PQBP1: variants seen among roughly 807,000 people sequenced by gnomAD.
PQBP1 encodes polyglutamine binding protein 1, also known as polyglutamine-binding protein 1.
PQBP1 carries 3 observed loss-of-function variants against 20.9 expected under a neutral mutation model. The ratio of observed to expected loss-of-function variants is 0.14; its 90% CI spans 0.07 to 0.37. PQBP1 has a LOEUF of 0.37. PQBP1 is among the 10% of genes least tolerant of loss of function. The pLI is 1.00. For synonymous variants in PQBP1, 83 were observed against 93.8 expected (o/e 0.88, Z 0.67); for missense variants, 162 against 240.3 (o/e 0.67, Z 2.16).
In PQBP1 at chrX:48,902,256, AGCCATGACAAGTCGGACAGGG is replaced by A. The variant is rs606231198; in HGVS notation, c.334_354del (p.Gly113_Arg119del). 948 of 1,208,929 alleles carry A rather than the reference AGCCATGACAAGTCGGACAGGG, an allele frequency of 7.8e-4. 3 individuals carry two copies. Among genetic ancestry groups the A allele is most frequent in the South Asian group, 7.3e-3 (412 of 56,720 alleles). Reference sequence around the variant, plus strand: ...AGATGCTGAAGAAAAGTTGGACCGGAGCCATGACAAGTCGGACAGGGGCCATGACAAGTCGGACCGCAGCCA... The same window carrying A: ...AGATGCTGAAGAAAAGTTGGACCGGAGCCATGACAAGTCGGACCGCAGCCA... On this transcript the variant is annotated inframe_deletion, in exon 5 of 7. Coordinates refer to ENST00000447146, the MANE Select transcript of PQBP1 (RefSeq NM_001032382.2).
At chrX:48,898,463 T>C in intron 1 of PQBP1, 29 bp from the exon 2 acceptor site, 1 of 1,171,643 alleles carries the variant, frequency 8.5e-7, no homozygotes. Context: ...TTATCTGAGC[T>C]GCTTGTCAGT....
At chrX:48,900,964 C>G (rs1333531779) in intron 2 of PQBP1, among the ~76,000 whole-genome samples, 1 of 112,016 alleles carries the variant, frequency 8.9e-6, no homozygotes, top group East Asian at 2.8e-4. Context: ...TAGAACTCAT[C>G]ATCTGAACCC....
rs1322947236 is a variant in PQBP1, at chrX:48,897,994, AAG to A, written c.-102_-101del. On this transcript the variant is annotated 5_prime_UTR_variant, in exon 1 of 7. Coordinates refer to ENST00000447146, the MANE Select transcript of PQBP1 (RefSeq NM_001032382.2). Reference sequence around the variant, plus strand: ...AGAAGGTCTCATTCGGTGTTTTGGGAAGAGAGTCGTGTGGGCCCAGGTATCGT... The same window carrying A: ...AGAAGGTCTCATTCGGTGTTTTGGGAAGAGTCGTGTGGGCCCAGGTATCGT... The A allele has an allele frequency of 4.1e-6, 4 of 964,455 alleles. No homozygotes were observed. Among genetic ancestry groups the A allele is most frequent in the East Asian group, 3.5e-5 (1 of 28,390 alleles). 79.5% of individuals were successfully genotyped at this position (964,455 alleles called of 1,213,427 possible). A position where few individuals can be genotyped will look rare whatever the true frequency, so the allele number is the denominator to read the frequency against.
In PQBP1 at chrX:48,898,094, G is replaced by A. The variant is rs2063335945; in HGVS notation, c.-19+12G>A. On this transcript the variant is annotated intron_variant, in intron 1 of 6. Transcript: ENST00000447146. ...GCACGAGTGTATTGGTAACGTTGGG[G>A]TGGGTGCACTCTTTTGGAGCTGGAG... The A allele has an allele frequency of 2.5e-5, 26 of 1,025,945 alleles. No homozygotes were observed. Among genetic ancestry groups the A allele is most frequent in the Non-Finnish European group, 3.2e-5 (26 of 803,466 alleles). The allele number at this position is 1,025,945 out of a possible 1,213,427, so 84.5% of individuals were successfully genotyped here.
intron 3 of PQBP1, 138 bp downstream of exon 3, chrX:48,901,439 C>T (rs371959254): frequency 2.7e-6 from 3 of 1,118,622 alleles, no homozygotes. Flanking sequence ...ACTCAAGTTG[C>T]TGCCTGCTGG....
At position 48,903,133 on chromosome X, in the gene PQBP1, C is replaced by T. The variant is rs2063454450; in HGVS notation, c.*49C>T. 2.5e-6 allele frequency: 3 copies of T among 1,179,310 alleles called. No homozygotes were observed. Among genetic ancestry groups the T allele is most frequent in the East Asian group, 3.1e-5 (1 of 32,243 alleles). ...GTTAAAATAAAAGCTTTCTGGTGAT[C>T]CTGCCCACCATACCTGAGTGCTTCC... On this transcript the variant is annotated 3_prime_UTR_variant, in exon 7 of 7. Coordinates refer to ENST00000447146, the MANE Select transcript of PQBP1 (RefSeq NM_001032382.2).
intron 3 of PQBP1, 51 bp from the exon 4 acceptor site, chrX:48,901,879 G>T: frequency 8.3e-7 from 1 of 1,207,653 alleles, no homozygotes; most frequent in Admixed American, 2.2e-5. Flanking sequence ...AAGAGTTGAG[G>T]ATCCAAGGCA....
rs782453281 is a variant in PQBP1, at chrX:48,901,225, G to T, written c.103G>T (p.Asp35Tyr). The change falls in exon 3 of 7, where the codon GAT becomes TAT. Residue 35 changes from aspartate (D) to tyrosine (Y), a missense_variant. By Grantham distance (160) the Asp-to-Tyr change is radical. Coordinates refer to ENST00000447146, the MANE Select transcript of PQBP1 (RefSeq NM_001032382.2). ...EEEIIAEDYD[D>Y]DPVDYEATRL... ...AGAGATCATTGCCGAGGACTATGAC[G>T]ATGATCCTGTGGACTACGAGGCCAC... 1 of 1,210,205 alleles carries T rather than the reference G, an allele frequency of 8.3e-7. No homozygotes were observed. Among genetic ancestry groups the T allele is most frequent in the South Asian group, 1.8e-5 (1 of 56,511 alleles).
chrX:48,901,819 T>G, intron 3 of PQBP1, 111 bp from the exon 4 acceptor site: 1 of 1,143,177 alleles, frequency 8.7e-7, no homozygotes, highest in Non-Finnish European at 1.2e-6. Flanking sequence ...CTGGGGATCC[T>G]GCCTGTGGGG....
intron 2 of PQBP1, among the ~76,000 whole-genome samples, chrX:48,899,018 C>T (rs1420963262): frequency 1.0e-5 from 1 of 100,501 alleles, no homozygotes; most frequent in Non-Finnish European, 2.0e-5. Flanking sequence ...CGGTCTGTCG[C>T]CCAGGCTGGA....
Position 48,898,427 on chromosome X carries a change from T to A in PQBP1, c.-18-65T>A. The A allele has an allele frequency of 2.9e-6, 3 of 1,030,543 alleles. No individual in the cohort carries two copies. In the South Asian group the frequency reaches 5.7e-5, roughly 20 times the overall value. 84.9% of individuals were successfully genotyped at this position (1,030,543 alleles called of 1,213,427 possible). A position where few individuals can be genotyped will look rare whatever the true frequency, so the allele number is the denominator to read the frequency against. ...TGAGTACATGTTTACGGGAGGCGCT[T>A]GGTTACGGGATCCAGATAGGAATCT... On this transcript the variant is annotated intron_variant, in intron 1 of 6. Transcript: ENST00000447146.
intron 1 of PQBP1, 102 bp downstream of exon 1, chrX:48,898,184 C>T: frequency 9.8e-7 from 1 of 1,018,117 alleles, no homozygotes. Context: ...GTCATGGGGA[C>T]GCTGGATGAG....
At chrX:48,898,108 T>C in intron 1 of PQBP1, 26 bp downstream of exon 1, 1 of 1,018,273 alleles carries the variant, frequency 9.8e-7, no homozygotes, top group Admixed American at 4.2e-5. Context: ...GTGCACTCTT[T>C]TGGAGCTGGA....
chrX:48,898,208 T>C, intron 1 of PQBP1, 126 bp downstream of exon 1: 1 of 984,034 alleles, frequency 1.0e-6, no homozygotes, highest in Non-Finnish European at 1.4e-6. Flanking sequence ...ATTTCTGAAG[T>C]GCGGAGGGGC....
Position 48,899,682 on chromosome X carries a change from C to G in PQBP1, c.67+1106C>G, listed in dbSNP as rs144755583. Reference sequence around the variant, plus strand: ...GCCAAGTTAAATCCCATGGATTACTCTATGGGGGTGATGACATAGTATCTA... The same window carrying G: ...GCCAAGTTAAATCCCATGGATTACTGTATGGGGGTGATGACATAGTATCTA... On this transcript the variant is annotated intron_variant, in intron 2 of 6. Coordinates refer to ENST00000447146, the MANE Select transcript of PQBP1 (RefSeq NM_001032382.2). Among the ~76,000 whole-genome samples the G allele has an allele frequency of 3.2e-4, 36 of 111,810 alleles. No individual in the cohort carries two copies. In the East Asian group the frequency reaches 6.5e-3, roughly 20 times the overall value.
intron 2 of PQBP1, among the ~76,000 whole-genome samples, chrX:48,900,590 TC>T (rs1234753091): frequency 9.1e-6 from 1 of 110,280 alleles, no homozygotes; most frequent in Non-Finnish European, 1.9e-5. Flanking sequence ...AGGGTCTCAC[TC>T]TGTTGCCCAG....
rs1374053208 is a variant in PQBP1, at chrX:48,901,164, T to C, written c.68-26T>C. 2.5e-6 allele frequency: 3 copies of C among 1,197,220 alleles called. No homozygotes were observed. In the African/African-American group the frequency reaches 5.3e-5, roughly 21 times the overall value. On this transcript the variant is annotated intron_variant, in intron 2 of 6. Transcript: ENST00000447146. ...GAGGTCCCCTGGTCCTTATCTGCTC[T>C]CCTCATCCCCACCTTGTTCTACCAG...
chrX:48,902,976 C>T lies in PQBP1; in HGVS notation c.690C>T (p.Gly230=), dbSNP rs367752180. The change falls in exon 7 of 7, where the codon GGC becomes GGT. Residue 230 remains glycine, a synonymous_variant. Coordinates refer to ENST00000447146, the MANE Select transcript of PQBP1 (RefSeq NM_001032382.2). ...CCAAGCGGAATGAGGCCAAGACTGG[C>T]GCTGACACCACAGCAGCTGGGCCCC... The part of the protein sequence containing the change: ...GLPKRNEAKT[G]ADTTAAGPLF... 2.8e-5 allele frequency: 34 copies of T among 1,198,724 alleles called. No homozygotes were observed. Among genetic ancestry groups the T allele is most frequent in the East Asian group, 9.0e-5 (3 of 33,264 alleles).
rs1557041571 is a variant in PQBP1 at position 48,902,522 on chromosome X, G to C, written c.577+5G>C. ...CCTATCCCAAGAGCAAGAAGGGTAA[G>C]CTGGGCAGAATGGGGCTCGGTGAGA... is the stretch of plus-strand genomic sequence containing the variant. On this transcript the variant is annotated splice_donor_5th_base_variant and intron_variant, in intron 5 of 6. Transcript: ENST00000447146. 1 of 1,202,141 alleles carries C rather than the reference G, an allele frequency of 8.3e-7. No individual in the cohort carries two copies.
Sources: gnomAD v4.1 joint callset for allele counts (sites outside exome capture counted in the v4.1 genomes callset) on GRCh38, gnomAD v4.1.1 for gene constraint, MANE v1.5 for transcripts, NCBI Gene and HGNC (gene_info 2026-07-23, HGNC 2026-07-21) for gene names.